Variants in EYS observed in about 807,000 individuals in gnomAD.
EYS encodes EGF-like photoreceptor maintenance factor.
EYS carries 250 observed loss-of-function variants against 282.1 expected under a neutral mutation model. The ratio of observed to expected loss-of-function variants is 0.89; its 90% confidence interval spans 0.80 to 0.98. The LOEUF (loss-of-function observed/expected upper bound fraction) is 0.98. Ranked by LOEUF, EYS falls within the 50% of genes least tolerant of loss-of-function variation. The pLI is 0.00. For missense variants in EYS, 4,016 were observed against 3,709.0 expected (o/e 1.08, Z -2.15); for synonymous variants, 1,355 against 1,282.9 (o/e 1.06, Z -1.20).
intron 12 of EYS, among the ~76,000 whole-genome samples, chr6:65,101,646 A>C (rs1028999835): frequency 6.6e-6 from 1 of 151,228 alleles, no homozygotes; most frequent in East Asian, 1.9e-4. Context: ...GAGATCTCTA[A>C]ATTACACTGT....
rs570693455 is a variant in EYS at position 64,675,451 on chromosome 6, G to C, written c.3444-49206C>G. Among the ~76,000 whole-genome samples, 667 of 93,334 alleles carry C rather than the reference G, an allele frequency of 7.1e-3. 6 individuals are homozygous for C. The highest frequency in any genetic ancestry group is 0.011 in the Middle Eastern group (1 of 92). 61.2% of individuals were successfully genotyped at this position (93,334 alleles called of 152,430 possible). A position where few individuals can be genotyped will look rare whatever the true frequency, so the allele number is the denominator to read the frequency against. On this transcript the variant is annotated intron_variant, in intron 22 of 42. Coordinates refer to ENST00000503581, the MANE Select transcript of EYS (RefSeq NM_001142800.2). Reference sequence around the variant, plus strand: ...TTCTTTTTTTTTTTTTTTTTGAGATGGAGTCTGGCTCTGTTGCCCTTGCTG... The same window carrying C: ...TTCTTTTTTTTTTTTTTTTTGAGATCGAGTCTGGCTCTGTTGCCCTTGCTG...
chr6:65,100,309 A>G (rs1774858696), intron 12 of EYS, among the ~76,000 whole-genome samples: 1 of 150,886 alleles, frequency 6.6e-6, no homozygotes, highest in Non-Finnish European at 1.5e-5. Context: ...TAAAGGTACA[A>G]GCTTTTTGTT....
chr6:64,904,108 T>C (rs1392124260), intron 16 of EYS, among the ~76,000 whole-genome samples: 2 of 152,138 alleles, frequency 1.3e-5, no homozygotes, highest in African/African-American at 4.8e-5. Flanking sequence ...AAGAAATTTA[T>C]TTAAAACATA....
intron 26 of EYS, among the ~76,000 whole-genome samples, chr6:64,540,052 C>G (rs1243742558): frequency 6.6e-6 from 1 of 152,194 alleles, no homozygotes; most frequent in East Asian, 1.9e-4. Flanking sequence ...ATCAAAGAGC[C>G]TGTCTTTTCA....
intron 22 of EYS, among the ~76,000 whole-genome samples, chr6:64,737,222 A>T (rs1248541510): frequency 6.6e-6 from 1 of 152,228 alleles, no homozygotes; most frequent in Non-Finnish European, 1.5e-5. Context: ...CATAAAATGC[A>T]TTTCTTTAGC....
intron 1 of EYS, among the ~76,000 whole-genome samples, chr6:65,657,402 G>A (rs554389359): frequency 6.6e-6 from 1 of 151,934 alleles, no homozygotes; most frequent in South Asian, 2.1e-4. Flanking sequence ...AGTGTTTCAT[G>A]GTAGGAAGTC....
At chr6:65,500,538 A>C (rs1766412823) in intron 2 of EYS, among the ~76,000 whole-genome samples, 1 of 151,908 alleles carries the variant, frequency 6.6e-6, no homozygotes, top group African/African-American at 2.4e-5. Context: ...CAAATTCAAA[A>C]AATCTTTGAA....
chr6:64,548,949 C>G (rs1279889801), intron 26 of EYS, among the ~76,000 whole-genome samples: 1 of 152,118 alleles, frequency 6.6e-6, no homozygotes, highest in Non-Finnish European at 1.5e-5. Context: ...AATGTGGGAT[C>G]CAAGGAACAG....
At chr6:64,604,290 A>G (rs1180099141) in intron 24 of EYS, among the ~76,000 whole-genome samples, 3 of 152,052 alleles carry the variant, frequency 2.0e-5, no homozygotes, top group Non-Finnish European at 2.9e-5. Context: ...TAACCTAACA[A>G]TGTATGGCCC....
chr6:63,903,979 T>C (rs1466260429), intron 35 of EYS, among the ~76,000 whole-genome samples: 1 of 152,246 alleles, frequency 6.6e-6, no homozygotes, highest in Non-Finnish European at 1.5e-5. Flanking sequence ...TTTCTACATA[T>C]AGCCCTCCTC....
At chr6:63,845,329 A>G (rs972352717) in intron 36 of EYS, among the ~76,000 whole-genome samples, 2 of 152,148 alleles carry the variant, frequency 1.3e-5, no homozygotes, top group Non-Finnish European at 2.9e-5. Context: ...CCTTCCCATT[A>G]CACAACACTA....
intron 2 of EYS, among the ~76,000 whole-genome samples, chr6:65,515,127 A>G (rs1385993818): frequency 2.0e-5 from 3 of 152,154 alleles, no homozygotes; most frequent in Non-Finnish European, 2.9e-5. Context: ...AAAAGTGGGC[A>G]AAGGACATGA....
intron 33 of EYS, among the ~76,000 whole-genome samples, chr6:64,050,498 T>C (rs1427718016): frequency 6.6e-6 from 1 of 152,194 alleles, no homozygotes; most frequent in Non-Finnish European, 1.5e-5. Flanking sequence ...ATACTGAAAA[T>C]ACATGAATAG....
intron 35 of EYS, among the ~76,000 whole-genome samples, chr6:63,937,878 T>C (rs1281735400): frequency 6.6e-6 from 1 of 152,238 alleles, no homozygotes; most frequent in Non-Finnish European, 1.5e-5. Context: ...ATACAGTCTA[T>C]GGTATTTTGT....
chr6:64,828,710 G>A (rs1039531895), intron 19 of EYS, among the ~76,000 whole-genome samples: 1 of 151,948 alleles, frequency 6.6e-6, no homozygotes, highest in African/African-American at 2.4e-5. Flanking sequence ...GTAGTATATT[G>A]GGAATTGTGT....
intron 26 of EYS, among the ~76,000 whole-genome samples, chr6:64,589,898 T>A (rs1316320907): frequency 6.6e-6 from 1 of 152,088 alleles, no homozygotes; most frequent in East Asian, 1.9e-4. Flanking sequence ...AAGAAGCTAT[T>A]TCAAGAAATG....
intron 29 of EYS, among the ~76,000 whole-genome samples, chr6:64,340,301 C>A (rs1232180647): frequency 2.0e-5 from 3 of 151,648 alleles, no homozygotes; most frequent in Non-Finnish European, 4.4e-5. Context: ...AGAGGCATCA[C>A]ACTACCTGAC....
intron 5 of EYS, among the ~76,000 whole-genome samples, chr6:65,415,153 T>C (rs925055409): frequency 6.6e-6 from 1 of 152,042 alleles, no homozygotes; most frequent in African/African-American, 2.4e-5. Context: ...GTTTCTATGG[T>C]ATAGTGGGGA....
chr6:65,498,057 G>C (rs1239149559), intron 2 of EYS, among the ~76,000 whole-genome samples: 2 of 151,984 alleles, frequency 1.3e-5, no homozygotes, highest in Non-Finnish European at 2.9e-5. Context: ...CATAAATATT[G>C]AAATGGTAGA....
Sources: gnomAD v4.1 joint callset for allele counts (sites outside exome capture counted in the v4.1 genomes callset) on GRCh38, gnomAD v4.1.1 for gene constraint, MANE v1.5 for transcripts, NCBI Gene and HGNC (gene_info 2026-07-23, HGNC 2026-07-21) for gene names.